Variants in FER observed in about 807,000 individuals in gnomAD.
FER encodes the protein FER tyrosine kinase, also known as tyrosine-protein kinase Fer.
In FER, 63 loss-of-function variants were observed where a neutral mutation model predicts 111.0. The ratio of observed to expected loss-of-function variants is 0.57; its 90% CI spans 0.46 to 0.70. The LOEUF (loss-of-function observed/expected upper bound fraction) is 0.70, where lower values mean the gene tolerates loss of function less well. FER is among the 30% of genes least tolerant of loss of function. The probability of loss-of-function intolerance (pLI) is 0.00; values close to 1 mark genes in which losing one functional copy is unlikely to be tolerated. For synonymous variants in FER, 327 were observed against 313.9 expected (o/e 1.04, Z -0.44); for missense variants, 914 against 954.0 (o/e 0.96, Z 0.55).
intron 13 of FER, among the ~76,000 whole-genome samples, chr5:108,991,203 A>T (rs73211580): frequency 0.079 from 11,929 of 151,902 alleles, 1,210 homozygotes; most frequent in African/African-American, 0.23. Flanking sequence ...CTCATTTTGT[A>T]TATGTGTATA....
At chr5:108,894,231 A>G (rs1748677057) in intron 9 of FER, 1 of 293,360 alleles carries the variant, frequency 3.4e-6, no homozygotes, top group African/African-American at 2.2e-5. Context: ...ACCCCACAAA[A>G]CGATCATTAG....
At chr5:109,100,251 C>G in intron 16 of FER, 145 bp from the exon 17 acceptor site, 1 of 804,508 alleles carries the variant, frequency 1.2e-6, no homozygotes, top group Non-Finnish European at 2.0e-6. Flanking sequence ...TTTCTGTTAT[C>G]CTCACGTCAA....
chr5:108,871,924 C>T lies in FER; in HGVS notation c.804-169C>T, dbSNP rs552656640. On this transcript the variant is annotated intron_variant, in intron 7 of 19. Coordinates refer to ENST00000281092, the MANE Select transcript of FER (RefSeq NM_005246.4). ...AATTCTACAGATAAGGAATCTAAGT[C>T]TCAAGTTACACAATTTTGAAACCCA... Among the ~76,000 whole-genome samples, 9 of 152,078 alleles carry T rather than the reference C, an allele frequency of 5.9e-5. No individual in the cohort carries two copies. The East Asian group carries it at 1.7e-3, about 29-fold the overall frequency.
At chr5:109,186,158 C>G (rs766700887) in intron 18 of FER, 42 bp from the exon 19 acceptor site, 1 of 1,613,892 alleles carries the variant, frequency 6.2e-7, no homozygotes, top group East Asian at 2.2e-5. Flanking sequence ...ACCTACTTGT[C>G]TACTGTGCCT....
chr5:109,132,029 A>C (rs143731023), intron 17 of FER, among the ~76,000 whole-genome samples: 8 of 152,310 alleles, frequency 5.3e-5, no homozygotes, highest in Non-Finnish European at 1.0e-4. Flanking sequence ...AAATGTACCT[A>C]AAGTATGTGT....
chr5:108,991,211 A>C (rs1179117034), intron 13 of FER, among the ~76,000 whole-genome samples: 1 of 151,956 alleles, frequency 6.6e-6, no homozygotes, highest in Non-Finnish European at 1.5e-5. Flanking sequence ...GTATATGTGT[A>C]TATACGCACA....
chr5:109,109,853 G>C (rs1749389408), intron 17 of FER, among the ~76,000 whole-genome samples: 1 of 152,138 alleles, frequency 6.6e-6, no homozygotes, highest in Admixed American at 6.6e-5. Flanking sequence ...GGGCCTTGTT[G>C]AATCTGAGAT....
chr5:108,847,212 C>T (rs576147589), intron 5 of FER, among the ~76,000 whole-genome samples: 7 of 150,986 alleles, frequency 4.6e-5, no homozygotes, highest in East Asian at 3.9e-4. Flanking sequence ...ATTTTTATTC[C>T]GGTCAAAATG....
chr5:109,023,778 T>C (rs892730016), intron 13 of FER, among the ~76,000 whole-genome samples: 3 of 152,132 alleles, frequency 2.0e-5, no homozygotes, highest in South Asian at 2.1e-4. Flanking sequence ...TTGATAGATA[T>C]TCAGTAAATA....
At chr5:108,984,485 T>C (rs1392998764) in intron 13 of FER, among the ~76,000 whole-genome samples, 1 of 152,128 alleles carries the variant, frequency 6.6e-6, no homozygotes, top group East Asian at 1.9e-4. Flanking sequence ...TTGAAAATAC[T>C]ATAGAAGAAA....
chr5:109,140,956 A>C (rs568896480), intron 17 of FER, among the ~76,000 whole-genome samples: 1 of 152,204 alleles, frequency 6.6e-6, no homozygotes, highest in Non-Finnish European at 1.5e-5. Flanking sequence ...TTCTGGACCC[A>C]TATTCCACAG....
chr5:108,936,319 A>G (rs557221231), intron 10 of FER, among the ~76,000 whole-genome samples: 1 of 152,086 alleles, frequency 6.6e-6, no homozygotes, highest in African/African-American at 2.4e-5. Flanking sequence ...AACCTTTGAT[A>G]CAGTTATTTG....
intron 2 of FER, among the ~76,000 whole-genome samples, chr5:108,797,368 C>G (rs1756147552): frequency 6.6e-6 from 1 of 152,072 alleles, no homozygotes; most frequent in Non-Finnish European, 1.5e-5. Context: ...CCTGTAGCCT[C>G]CCTCTCTCAT....
chr5:108,924,840 A>T (rs1488600427), intron 10 of FER: 1 of 1,198,618 alleles, frequency 8.3e-7, no homozygotes, highest in Non-Finnish European at 1.0e-6. Flanking sequence ...CCCAGACATT[A>T]TCTAAGAGTC....
intron 3 of FER, among the ~76,000 whole-genome samples, chr5:108,813,910 A>G (rs1349119007): frequency 6.6e-6 from 1 of 152,130 alleles, no homozygotes; most frequent in South Asian, 2.1e-4. Context: ...CTCCACACCC[A>G]TACTTTAGGG....
intron 16 of FER, among the ~76,000 whole-genome samples, chr5:109,073,550 A>G (rs1175935623): frequency 6.6e-6 from 1 of 152,214 alleles, no homozygotes; most frequent in Admixed American, 6.5e-5. Context: ...TCACCATTAT[A>G]TAAATATCTA....
intron 13 of FER, among the ~76,000 whole-genome samples, chr5:109,029,236 T>C (rs1009226290): frequency 2.8e-5 from 4 of 143,026 alleles, no homozygotes; most frequent in Admixed American, 7.0e-5. Context: ...TTTTTTTTTT[T>C]CTTCTTACCT....
chr5:109,013,267 C>A (rs1425027772), intron 13 of FER, among the ~76,000 whole-genome samples: 8 of 125,932 alleles, frequency 6.4e-5, no homozygotes, highest in Non-Finnish European at 1.3e-4. Context: ...GTGTGATGTA[C>A]CCCTTCCTGT....
chr5:108,861,751 T>A (rs1763543578), intron 5 of FER, among the ~76,000 whole-genome samples: 1 of 152,222 alleles, frequency 6.6e-6, no homozygotes, highest in East Asian at 1.9e-4. Flanking sequence ...TGTATTAGGT[T>A]ATTTTTTGCA....
Sources: allele counts gnomAD v4.1 joint callset (sites outside exome capture counted in the v4.1 genomes callset), GRCh38; gene constraint gnomAD v4.1.1; transcripts MANE v1.5; gene names NCBI Gene and HGNC (gene_info 2026-07-23, HGNC 2026-07-21).